Variants in POC1A observed in about 807,000 individuals in gnomAD.
POC1A encodes POC1 centriolar protein homolog A.
Under a neutral mutation model 47.8 loss-of-function variants are expected in POC1A, and 34 were observed. The observed-to-expected ratio is 0.71, with a 90% CI of 0.54 to 0.95. The LOEUF is 0.95. Ranked by LOEUF, POC1A falls within the 40% of genes least tolerant of loss-of-function variation. The pLI, the probability that POC1A is intolerant of heterozygous loss-of-function variation, is 0.00. For synonymous variants in POC1A, 177 were observed against 207.6 expected, an observed-to-expected ratio of 0.85 and a Z score of 1.27; for missense variants, 466 against 528.3, an observed-to-expected ratio of 0.88 and a Z score of 1.16.
At chr3:52,080,720 C>T (rs1702253237) in intron 10 of POC1A, among the ~76,000 whole-genome samples, 1 of 152,266 alleles carries the variant, frequency 6.6e-6, no homozygotes, top group Admixed American at 6.5e-5. Context: ...ACGCTTCTTT[C>T]ACTGGCACTT....
chr3:52,138,485 G>A (rs1178614855), intron 6 of POC1A, among the ~76,000 whole-genome samples, 183 bp from the exon 7 acceptor site: 9 of 152,162 alleles, frequency 5.9e-5, no homozygotes, highest in Admixed American at 1.3e-4. Context: ...GGGCACAATC[G>A]AAGAACAGGA....
rs1376152568 is a variant in POC1A, at chr3:52,133,467, G to A, written c.813+4702C>T. Among the ~76,000 whole-genome samples, 10 of 152,120 alleles carry A rather than the reference G, an allele frequency of 6.6e-5. No homozygotes were observed. In the South Asian group the frequency reaches 1.0e-3, roughly 16 times the overall value. On this transcript the variant is annotated intron_variant, in intron 7 of 10. Transcript: ENST00000296484. ...AAACAAAAGGCCTCTCAAATGGGCC[G>A]ATGTGTGCCACTCATGTGCCAGAGA... is the stretch of plus-strand genomic sequence containing the variant.
At chr3:52,116,980 G>A (rs538832716) in intron 9 of POC1A, among the ~76,000 whole-genome samples, 1 of 152,232 alleles carries the variant, frequency 6.6e-6, no homozygotes, top group South Asian at 2.1e-4. Flanking sequence ...CTGAGCTCTC[G>A]AGTTCGAGAC....
intron 9 of POC1A, among the ~76,000 whole-genome samples, chr3:52,117,936 A>G (rs1006707953): frequency 3.9e-5 from 6 of 152,378 alleles, no homozygotes; most frequent in Non-Finnish European, 7.3e-5. Context: ...ATTCAAGATC[A>G]GCCAAGATAC....
intron 8 of POC1A, among the ~76,000 whole-genome samples, chr3:52,124,825 T>C (rs1036728792): frequency 6.6e-6 from 1 of 152,320 alleles, no homozygotes; most frequent in Non-Finnish European, 1.5e-5. Context: ...AAACCAACTT[T>C]TCACGACAAC....
At chr3:52,131,935 G>A (rs141447465) in intron 7 of POC1A, among the ~76,000 whole-genome samples, 1 of 152,186 alleles carries the variant, frequency 6.6e-6, no homozygotes, top group East Asian at 1.9e-4. Flanking sequence ...CCATGGACCC[G>A]TTTTTCTAAC....
At position 52,090,198 on chromosome 3, in the gene POC1A, A is replaced by C. The variant is rs1702598860; in HGVS notation, c.1125+6371T>G. ...CAAGTCCTGGAGCCCAGCAGCCTCCATGAGTCACAGGAACTGGAACGTGAC... is the reference window on the plus strand; with the variant it reads ...CAAGTCCTGGAGCCCAGCAGCCTCCCTGAGTCACAGGAACTGGAACGTGAC... On this transcript the variant is annotated intron_variant, in intron 10 of 10. Transcript: ENST00000296484. This position sits in a 1 kb window ranked among gnomAD's most constrained non-coding sequence, Gnocchi z 4.2. Among the ~76,000 whole-genome samples the C allele has an allele frequency of 2.0e-5, 3 of 152,206 alleles. No homozygotes were observed. The highest frequency in any genetic ancestry group is 6.5e-5 in the Admixed American group (1 of 15,278).
At chr3:52,086,814 G>C (rs1702470503) in intron 10 of POC1A, among the ~76,000 whole-genome samples, 1 of 152,252 alleles carries the variant, frequency 6.6e-6, no homozygotes, top group Admixed American at 6.5e-5. Flanking sequence ...CAGTCAGCCT[G>C]CATGCCAGTG....
chr3:52,093,501 A>T (rs180688683), intron 10 of POC1A, among the ~76,000 whole-genome samples: 62 of 152,326 alleles, frequency 4.1e-4, no homozygotes, highest in Non-Finnish European at 8.1e-4. Flanking sequence ...CAGCAACAGG[A>T]GCAGCACCCA....
At chr3:52,097,015 C>A (rs1234799293) in intron 9 of POC1A, among the ~76,000 whole-genome samples, 2 of 152,218 alleles carry the variant, frequency 1.3e-5, no homozygotes, top group South Asian at 2.1e-4. Context: ...GCTCTTGGAG[C>A]CCCTCAGGGA....
chr3:52,078,230 G>A (rs1243269136), intron 10 of POC1A, among the ~76,000 whole-genome samples: 1 of 152,128 alleles, frequency 6.6e-6, no homozygotes, highest in African/African-American at 2.4e-5. Flanking sequence ...CCATCAGGGA[G>A]AAAGAAGTCC....
chr3:52,154,266 G>A, intron 1 of POC1A, 89 bp downstream of exon 1: 1 of 1,362,666 alleles, frequency 7.3e-7, no homozygotes, highest in Non-Finnish European at 1.0e-6. Context: ...CGCCCCGCCC[G>A]CCCCTCGCAG....
At chr3:52,106,787 G>A (rs573152778) in intron 9 of POC1A, among the ~76,000 whole-genome samples, 1 of 152,296 alleles carries the variant, frequency 6.6e-6, no homozygotes, top group South Asian at 2.1e-4. Flanking sequence ...CCTCACCCAG[G>A]CCCATGGCAA....
intron 5 of POC1A, 23 bp from the exon 6 acceptor site, chr3:52,145,984 G>T: frequency 7.0e-7 from 1 of 1,435,646 alleles, no homozygotes. Context: ...GGGCCACTAT[G>T]CACTATAGGA....
intron 10 of POC1A, among the ~76,000 whole-genome samples, chr3:52,093,578 GGTATTATT>G (rs1345949400): frequency 5.3e-5 from 8 of 152,204 alleles, no homozygotes; most frequent in African/African-American, 1.9e-4. Flanking sequence ...CTATGAAGTG[GGTATTATT>G]ATCAGCTCTG....
At position 52,084,516 on chromosome 3, in the gene POC1A, G is replaced by A. The variant is rs763090194; in HGVS notation, c.1126-8531C>T. Reference sequence around the variant, plus strand: ...CGAGCACTGACACAGCTGCAGCACCGGTCCTGTCTAGGCTGCGAGGAAAGC... The same window carrying A: ...CGAGCACTGACACAGCTGCAGCACCAGTCCTGTCTAGGCTGCGAGGAAAGC... On this transcript the variant is annotated intron_variant, in intron 10 of 10. Transcript: ENST00000296484. The surrounding 1 kb of genome is among the most constrained non-coding windows in gnomAD (Gnocchi z 4.3). Among the ~76,000 whole-genome samples the A allele has an allele frequency of 9.2e-5, 14 of 152,184 alleles. No homozygotes were observed. Among genetic ancestry groups the A allele is most frequent in the Admixed American group, 5.9e-4 (9 of 15,286 alleles).
At chr3:52,139,448 C>T (rs1698109762) in intron 6 of POC1A, among the ~76,000 whole-genome samples, 1 of 152,156 alleles carries the variant, frequency 6.6e-6, no homozygotes, top group Non-Finnish European at 1.5e-5. Context: ...TCGATTCCCC[C>T]AGCCGTAGAA....
intron 10 of POC1A, among the ~76,000 whole-genome samples, chr3:52,094,219 G>A (rs532487415): frequency 6.6e-6 from 1 of 152,330 alleles, no homozygotes; most frequent in East Asian, 1.9e-4. Flanking sequence ...TCAGGACTGG[G>A]CAGATGGCAA....
At chr3:52,080,123 A>G (rs1323876330) in intron 10 of POC1A, among the ~76,000 whole-genome samples, 1 of 152,100 alleles carries the variant, frequency 6.6e-6, no homozygotes, top group Non-Finnish European at 1.5e-5. Context: ...TATCATCCCC[A>G]TTTTACAGAT....
Sources: allele counts gnomAD v4.1 joint callset (sites outside exome capture counted in the v4.1 genomes callset), GRCh38; gene constraint gnomAD v4.1.1; non-coding constraint Gnocchi (gnomAD v3.1); transcripts MANE v1.5; gene names NCBI Gene and HGNC (gene_info 2026-07-23, HGNC 2026-07-21).